The following PCDH15 variants were observed in gnomAD, a reference collection of about 807,000 sequenced individuals.
PCDH15 encodes the protein protocadherin related 15, also known as protocadherin-15.
PCDH15 carries 129 observed loss-of-function variants against 178.5 expected under a neutral mutation model. That is an observed-to-expected ratio of 0.72 (90% CI 0.63 to 0.84). The LOEUF is 0.84. Ranked by LOEUF, PCDH15 falls within the 40% of genes least tolerant of loss-of-function variation. The probability of loss-of-function intolerance (pLI) is 0.00; values close to 1 mark genes in which losing one functional copy is unlikely to be tolerated. For synonymous variants in PCDH15, 800 were observed against 732.0 expected (o/e 1.09, Z -1.50); for missense variants, 2,230 against 2,099.9 (o/e 1.06, Z -1.21).
chr10:55,558,238 G>T (rs1019393765), intron 2 of PCDH15, among the ~76,000 whole-genome samples: 15 of 152,126 alleles, frequency 9.9e-5, no homozygotes, highest in Admixed American at 2.6e-4. Flanking sequence ...ACAAACGCTG[G>T]ACACCTCACT....
At chr10:55,387,479 C>A (rs572750498) in intron 2 of PCDH15, among the ~76,000 whole-genome samples, 87 of 152,156 alleles carry the variant, frequency 5.7e-4, no homozygotes, top group African/African-American at 2.0e-3. Flanking sequence ...AATAACATAT[C>A]CCCTAGCTGT....
intron 14 of PCDH15, among the ~76,000 whole-genome samples, chr10:54,136,620 A>G (rs2042927892): frequency 6.6e-6 from 1 of 152,096 alleles, no homozygotes; most frequent in Non-Finnish European, 1.5e-5. Flanking sequence ...CCCTTTCATT[A>G]TCTTCCCATT....
chr10:55,354,472 C>T (rs950551162), intron 2 of PCDH15, among the ~76,000 whole-genome samples: 3 of 152,064 alleles, frequency 2.0e-5, no homozygotes, highest in Non-Finnish European at 2.9e-5. Flanking sequence ...GGGTTACCGA[C>T]GACCTCATAT....
intron 2 of PCDH15, among the ~76,000 whole-genome samples, chr10:54,662,441 T>C (rs1401599919): frequency 2.0e-5 from 3 of 151,996 alleles, no homozygotes; most frequent in East Asian, 1.9e-4. Context: ...ACTGTGTTAG[T>C]ATAGTACATT....
At chr10:54,392,724 C>T (rs1424528438) in intron 3 of PCDH15, among the ~76,000 whole-genome samples, 2 of 151,330 alleles carry the variant, frequency 1.3e-5, no homozygotes, top group Non-Finnish European at 1.5e-5. Flanking sequence ...CATAGTGAAA[C>T]CCTGTCTCTA....
At chr10:54,348,506 C>A (rs1480810962) in intron 5 of PCDH15, among the ~76,000 whole-genome samples, 1 of 152,054 alleles carries the variant, frequency 6.6e-6, no homozygotes, top group Non-Finnish European at 1.5e-5. Flanking sequence ...CAAAAGACAT[C>A]CTTATCTTTT....
At chr10:54,918,683 C>G (rs1195106707) in intron 2 of PCDH15, among the ~76,000 whole-genome samples, 1 of 151,922 alleles carries the variant, frequency 6.6e-6, no homozygotes, top group Non-Finnish European at 1.5e-5. Context: ...TCCTTATATC[C>G]CAATATTACT....
intron 1 of PCDH15, among the ~76,000 whole-genome samples, chr10:54,787,715 G>T (rs963629911): frequency 3.3e-4 from 50 of 151,900 alleles, no homozygotes; most frequent in African/African-American, 1.2e-3. Flanking sequence ...AGGGCTCAAA[G>T]CTGCTGAGAG....
chr10:55,525,048 T>A (rs1458869832), intron 2 of PCDH15, among the ~76,000 whole-genome samples: 1 of 151,772 alleles, frequency 6.6e-6, no homozygotes, highest in Non-Finnish European at 1.5e-5. Context: ...ACTCCATTGC[T>A]TTAAAATTAC....
At chr10:54,741,840 C>A (rs1041130234) in intron 1 of PCDH15, among the ~76,000 whole-genome samples, 1 of 151,968 alleles carries the variant, frequency 6.6e-6, no homozygotes, top group African/African-American at 2.4e-5. Context: ...TTATATTGGA[C>A]CCACCTCAAC....
At chr10:54,809,853 T>C (rs1453705096) in intron 3 of PCDH15, among the ~76,000 whole-genome samples, 1 of 152,174 alleles carries the variant, frequency 6.6e-6, no homozygotes, top group East Asian at 1.9e-4. Context: ...TTTCCCACTT[T>C]AATACTTTTG....
chr10:54,853,328 C>A (rs548436027), intron 3 of PCDH15, among the ~76,000 whole-genome samples: 1 of 118,402 alleles, frequency 8.4e-6, no homozygotes, highest in Non-Finnish European at 1.7e-5. Flanking sequence ...TACATACACA[C>A]ACATATACAT....
At chr10:54,776,210 C>A (rs935186610) in intron 1 of PCDH15, among the ~76,000 whole-genome samples, 1 of 152,128 alleles carries the variant, frequency 6.6e-6, no homozygotes, top group Non-Finnish European at 1.5e-5. Context: ...CCATGACAAT[C>A]ACGAATAGTG....
intron 3 of PCDH15, among the ~76,000 whole-genome samples, chr10:54,429,216 T>G (rs1956660081): frequency 6.6e-6 from 1 of 152,208 alleles, no homozygotes; most frequent in African/African-American, 2.4e-5. Context: ...TTATTAGGTT[T>G]CTTTTTGGTG....
chr10:55,344,884 A>G (rs907905753), intron 2 of PCDH15, among the ~76,000 whole-genome samples: 4 of 152,100 alleles, frequency 2.6e-5, no homozygotes, highest in Non-Finnish European at 4.4e-5. Context: ...GCCAGAGCAG[A>G]GAGGATAACA....
chr10:54,609,705 G>C (rs2092898392), intron 2 of PCDH15, among the ~76,000 whole-genome samples: 1 of 151,882 alleles, frequency 6.6e-6, no homozygotes, highest in African/African-American at 2.4e-5. Context: ...AAATCACATA[G>C]TTATATGTAC....
intron 18 of PCDH15, among the ~76,000 whole-genome samples, chr10:54,043,648 C>T (rs1384965891): frequency 6.6e-6 from 1 of 152,036 alleles, no homozygotes; most frequent in African/African-American, 2.4e-5. Flanking sequence ...CTCAGCCTCC[C>T]AAAGTGGTGG....
intron 15 of PCDH15, among the ~76,000 whole-genome samples, chr10:54,105,384 GAGT>G (rs1197625367): frequency 2.0e-5 from 3 of 148,392 alleles, no homozygotes; most frequent in African/African-American, 4.9e-5. Flanking sequence ...ATATATTTAG[GAGT>G]TTATTAAGTA....
At chr10:54,336,535 G>A (rs895025049) in intron 6 of PCDH15, among the ~76,000 whole-genome samples, 10 of 152,154 alleles carry the variant, frequency 6.6e-5, no homozygotes, top group South Asian at 2.1e-4. Flanking sequence ...CTCAGGCTGC[G>A]GCTTCAGAAG....
Sources: allele counts gnomAD v4.1 joint callset (sites outside exome capture counted in the v4.1 genomes callset), GRCh38; gene constraint gnomAD v4.1.1; transcripts MANE v1.5; gene names NCBI Gene and HGNC (gene_info 2026-07-23, HGNC 2026-07-21).